The following HEMK2 variants were observed in gnomAD, a reference collection of about 807,000 sequenced individuals.
The protein encoded by HEMK2 is methyltransferase HEMK2.
chr21:28,593,574 A>G, the HEMK2 span, among the ~76,000 whole-genome samples: 2 of 152,212 alleles, frequency 1.3e-5, no homozygotes, highest in South Asian at 4.1e-4. Flanking sequence ...GGGTCAAAAT[A>G]TACAAGATGA....
the HEMK2 span, among the ~76,000 whole-genome samples, chr21:28,758,590 G>A: frequency 6.6e-6 from 1 of 152,228 alleles, no homozygotes; most frequent in African/African-American, 2.4e-5. Context: ...GAAGGGCAAC[G>A]AGCAGAAGAG....
chr21:28,736,986 TG>T, the HEMK2 span, among the ~76,000 whole-genome samples: 3 of 152,162 alleles, frequency 2.0e-5, no homozygotes, highest in African/African-American at 7.2e-5. Flanking sequence ...TTTGAGTAGC[TG>T]GGGAGATTTA....
chr21:28,715,335 T>C, the HEMK2 span, among the ~76,000 whole-genome samples: 1 of 152,166 alleles, frequency 6.6e-6, no homozygotes, highest in Admixed American at 6.6e-5. Context: ...TAATAGCCAG[T>C]CTGACTGATG....
the HEMK2 span, among the ~76,000 whole-genome samples, chr21:28,862,645 C>CAA: frequency 9.9e-6 from 1 of 100,560 alleles, no homozygotes; most frequent in South Asian, 2.7e-4. Context: ...GACTCCGTCT[C>CAA]AAAAAAAAAA....
At chr21:28,735,199 C>T in the HEMK2 span, among the ~76,000 whole-genome samples, 24 of 152,318 alleles carry the variant, frequency 1.6e-4, no homozygotes, top group African/African-American at 5.3e-4. Context: ...AGCACCTTAA[C>T]ACAACACTCA....
chr21:28,717,885 G>C, the HEMK2 span, among the ~76,000 whole-genome samples: 2 of 151,984 alleles, frequency 1.3e-5, no homozygotes, highest in Non-Finnish European at 2.9e-5. Flanking sequence ...AAGCATTTTG[G>C]TTTTCTTGGT....
At chr21:28,807,856 T>C in the HEMK2 span, among the ~76,000 whole-genome samples, 2 of 152,196 alleles carry the variant, frequency 1.3e-5, no homozygotes, top group Admixed American at 6.5e-5. Context: ...AACTAATGAT[T>C]AATTTTTTTC....
chr21:28,646,389 G>C, the HEMK2 span, among the ~76,000 whole-genome samples: 11 of 152,068 alleles, frequency 7.2e-5, no homozygotes, highest in African/African-American at 2.7e-4. Context: ...GGATATGAGG[G>C]GACAACTGCC....
At chr21:28,687,580 G>A in the HEMK2 span, among the ~76,000 whole-genome samples, 3 of 106,644 alleles carry the variant, frequency 2.8e-5, no homozygotes, top group African/African-American at 1.8e-4. Flanking sequence ...AGTGCTACCA[G>A]ACCAACTTGT....
chr21:28,720,386 C>T, the HEMK2 span, among the ~76,000 whole-genome samples: 1 of 152,138 alleles, frequency 6.6e-6, no homozygotes, highest in Non-Finnish European at 1.5e-5. Context: ...AACTGCATCA[C>T]ATTATGGTCC....
the HEMK2 span, among the ~76,000 whole-genome samples, chr21:28,630,924 TATA>T: frequency 7.2e-5 from 11 of 152,084 alleles, no homozygotes; most frequent in South Asian, 2.1e-4. Context: ...AAACTTAAAG[TATA>T]ATAATAATAA....
At chr21:28,862,359 G>GTACCAGCTACGA in the HEMK2 span, among the ~76,000 whole-genome samples, 1 of 121,154 alleles carries the variant, frequency 8.3e-6, no homozygotes, top group African/African-American at 4.1e-5. Flanking sequence ...GAAAGTAGTC[G>GTACCAGCTACGA]CCGGGCGCGG....
At chr21:28,759,798 C>T in the HEMK2 span, among the ~76,000 whole-genome samples, 555 of 152,260 alleles carry the variant, frequency 3.6e-3, 3 homozygotes, top group Non-Finnish European at 6.2e-3. Context: ...CCATGTAGGA[C>T]ATGCCTTTCG....
chr21:28,824,747 C>T, the HEMK2 span, among the ~76,000 whole-genome samples: 7 of 152,150 alleles, frequency 4.6e-5, no homozygotes, highest in Non-Finnish European at 8.8e-5. Context: ...CATCCACACT[C>T]CATAATGGAC....
At chr21:28,680,216 G>T in the HEMK2 span, among the ~76,000 whole-genome samples, 2 of 152,092 alleles carry the variant, frequency 1.3e-5, no homozygotes, top group African/African-American at 4.8e-5. Flanking sequence ...TGACAAAGGG[G>T]ATATCACCAT....
chr21:28,831,472 AAAGAAAGAAAG>A, the HEMK2 span, among the ~76,000 whole-genome samples: 376 of 37,794 alleles, frequency 9.9e-3, 13 homozygotes, highest in East Asian at 0.052. Flanking sequence ...CGAAAGAAAG[AAAGAAAGAAAG>A]AAAGAAAGAA....
At chr21:28,657,149 A>G in the HEMK2 span, among the ~76,000 whole-genome samples, 1 of 152,054 alleles carries the variant, frequency 6.6e-6, no homozygotes, top group Non-Finnish European at 1.5e-5. Context: ...TATTGTAAAA[A>G]CTTCCTAAAA....
the HEMK2 span, among the ~76,000 whole-genome samples, chr21:28,594,785 T>C: frequency 1.3e-5 from 2 of 152,346 alleles, no homozygotes; most frequent in East Asian, 1.9e-4. Flanking sequence ...AACTCTCAAT[T>C]TGTGCTAGAA....
chr21:28,642,392 C>T, the HEMK2 span, among the ~76,000 whole-genome samples: 9 of 152,132 alleles, frequency 5.9e-5, no homozygotes, highest in Admixed American at 1.3e-4. Flanking sequence ...GTGTGGGAAC[C>T]GGAGTGAACA....
Sources: gnomAD v4.1 joint callset for allele counts (sites outside exome capture counted in the v4.1 genomes callset) on GRCh38, gnomAD v4.1.1 for gene constraint, MANE v1.5 for transcripts, NCBI Gene and HGNC (gene_info 2026-07-23, HGNC 2026-07-21) for gene names.